The following DTNB variants were observed in gnomAD, a reference collection of about 807,000 sequenced individuals.
DTNB encodes the protein DTN-B.
A neutral mutation model predicts 90.7 loss-of-function variants in DTNB; 63 were observed. That is an observed-to-expected ratio of 0.69 (90% CI 0.57 to 0.86). The LOEUF (loss-of-function observed/expected upper bound fraction) is 0.86, where lower values mean the gene tolerates loss of function less well. Ranked by LOEUF, DTNB falls within the 40% of genes least tolerant of loss-of-function variation. DTNB has a pLI of 0.00. For synonymous variants in DTNB, 277 were observed against 286.7 expected, an observed-to-expected ratio of 0.97 and a Z score of 0.34; for missense variants, 744 against 807.1, an observed-to-expected ratio of 0.92 and a Z score of 0.95.
In DTNB at chr2:25,523,975, C is replaced by T. The variant is rs942159513; in HGVS notation, c.1001+7498G>A. ...GGAGTGCAATGGCGTGATCTTGGCT[C>T]ACCGCAACCTCCACCTCCCAGGTTC... is the stretch of plus-strand genomic sequence containing the variant. On this transcript the variant is annotated intron_variant, in intron 9 of 20. Coordinates refer to ENST00000406818, the MANE Select transcript of DTNB (RefSeq NM_021907.5). Among the ~76,000 whole-genome samples the T allele has an allele frequency of 2.0e-5, 3 of 149,528 alleles. No individual in the cohort carries two copies. The East Asian group carries it at 6.0e-4, about 30-fold the overall frequency.
intron 10 of DTNB, among the ~76,000 whole-genome samples, chr2:25,479,240 TA>T (rs937822233): frequency 1.3e-5 from 2 of 151,978 alleles, no homozygotes; most frequent in Admixed American, 6.6e-5. Context: ...CATTTAAAAA[TA>T]AAAAAAATTA....
At chr2:25,500,857 G>C (rs17802973) in intron 9 of DTNB, among the ~76,000 whole-genome samples, 3,804 of 152,336 alleles carry the variant, frequency 0.025, 56 homozygotes, top group Middle Eastern at 0.048. Flanking sequence ...CTCTAAGGAA[G>C]AAAATGAAGA....
chr2:25,626,659 C>T (rs557816716), intron 4 of DTNB, among the ~76,000 whole-genome samples: 5 of 152,130 alleles, frequency 3.3e-5, no homozygotes, highest in Non-Finnish European at 5.9e-5. Flanking sequence ...AATCTGATAA[C>T]GGCTTATAAA....
At chr2:25,633,531 C>T (rs896828695) in intron 3 of DTNB, among the ~76,000 whole-genome samples, 2 of 152,096 alleles carry the variant, frequency 1.3e-5, no homozygotes, top group African/African-American at 2.4e-5. Context: ...CACCTCCCAG[C>T]CGCCTGCCTT....
intron 12 of DTNB, among the ~76,000 whole-genome samples, chr2:25,436,344 G>GA (rs11374046): frequency 0.3 from 44,072 of 147,396 alleles, 7,579 homozygotes; most frequent in East Asian, 0.57. Flanking sequence ...GGGGAAAAAA[G>GA]AAAAAAAAAA....
chr2:25,461,592 T>C (rs1337406833), intron 10 of DTNB, among the ~76,000 whole-genome samples: 2 of 152,084 alleles, frequency 1.3e-5, no homozygotes, highest in Non-Finnish European at 2.9e-5. Flanking sequence ...ATTCAATCCA[T>C]AAAACGAGGT....
intron 10 of DTNB, among the ~76,000 whole-genome samples, chr2:25,467,569 G>A (rs1276114799): frequency 1.3e-5 from 2 of 152,070 alleles, no homozygotes; most frequent in Non-Finnish European, 2.9e-5. Flanking sequence ...CTCCCAAAGT[G>A]CTGGGATTAG....
At position 25,427,589 on chromosome 2, in the gene DTNB, C is replaced by T. The variant is rs929271656; in HGVS notation, c.1500G>A (p.Gln500=). The T allele has an allele frequency of 1.9e-6, 3 of 1,613,654 alleles. No homozygotes were observed. In the African/African-American group the frequency reaches 4.0e-5, roughly 22 times the overall value. Residue 500 remains glutamine, a synonymous_variant, in exon 15 of 21, where the codon CAG becomes CAA. Transcript: ENST00000406818. The part of the protein sequence containing the change: ...DELEQRMSAL[Q]ESRRELMVQL... ...GGACCATCAGCTCCCGCCTGCTCTC[C>T]TGCAGGGCCGACATCCTCTGCTCCA... is the stretch of plus-strand genomic sequence containing the variant.
At chr2:25,457,590 G>A (rs1288442926) in intron 10 of DTNB, among the ~76,000 whole-genome samples, 5 of 151,904 alleles carry the variant, frequency 3.3e-5, no homozygotes, top group Admixed American at 6.6e-5. Context: ...CATTTGTCCC[G>A]AGAATACTCA....
At position 25,424,295 on chromosome 2, in the gene DTNB, G is replaced by C. The variant is rs1479716055; in HGVS notation, c.1554+3240C>G. On this transcript the variant is annotated intron_variant, in intron 15 of 20. Coordinates refer to ENST00000406818, the MANE Select transcript of DTNB (RefSeq NM_021907.5). This position sits in a 1 kb window ranked among gnomAD's most constrained non-coding sequence, Gnocchi z 4.1. ...CAGGGGATCCTACAGGGGCAGCAGT[G>C]TCCTGCTTATTTTTCTGAAATTACT... Among the ~76,000 whole-genome samples, 1 of 152,178 alleles carries C rather than the reference G, an allele frequency of 6.6e-6. No homozygotes were observed. Among genetic ancestry groups the C allele is most frequent in the Non-Finnish European group, 1.5e-5 (1 of 68,042 alleles).
intron 8 of DTNB, among the ~76,000 whole-genome samples, chr2:25,576,242 T>C (rs6746648): frequency 0.052 from 7,566 of 145,664 alleles, 660 homozygotes; most frequent in African/African-American, 0.18. Context: ...TTTTTTTTTT[T>C]TGAGACAGAG....
rs752870230 is a variant in DTNB at position 25,387,119 on chromosome 2, G to A, written c.1825+170C>T. ...CGCCCCTACGCGATCCTGTGTGACA[G>A]AGGCTCTCTGGGTGGAGACATCCAG... is the stretch of plus-strand genomic sequence containing the variant. On this transcript the variant is annotated intron_variant, in intron 18 of 20. Transcript: ENST00000406818. This position sits in a 1 kb window ranked among gnomAD's most constrained non-coding sequence, Gnocchi z 4.5. The A allele has an allele frequency of 1.7e-6, 1 of 588,860 alleles. No homozygotes were observed. Among genetic ancestry groups the A allele is most frequent in the Non-Finnish European group, 3.0e-6 (1 of 333,570 alleles). The allele number at this position is 588,860 out of a possible 1,614,324, so 36.5% of individuals were successfully genotyped here. A position where few individuals can be genotyped will look rare whatever the true frequency, so the allele number is the denominator to read the frequency against.
chr2:25,468,942 T>C (rs186089642), intron 10 of DTNB, among the ~76,000 whole-genome samples: 1 of 152,066 alleles, frequency 6.6e-6, no homozygotes, highest in Non-Finnish European at 1.5e-5. Flanking sequence ...TGACACAGAG[T>C]GGCCAAATAG....
At chr2:25,412,328 A>C (rs958760598) in intron 16 of DTNB, among the ~76,000 whole-genome samples, 9 of 152,164 alleles carry the variant, frequency 5.9e-5, no homozygotes, top group African/African-American at 2.2e-4. Flanking sequence ...CATGATGGCA[A>C]GATCCCACGT....
intron 5 of DTNB, among the ~76,000 whole-genome samples, chr2:25,597,041 T>C (rs1158449333): frequency 1.6e-4 from 25 of 152,212 alleles, no homozygotes. Context: ...TTTCAATCTG[T>C]TGAACTTCCT....
intron 9 of DTNB, among the ~76,000 whole-genome samples, chr2:25,493,079 G>A (rs936736589): frequency 1.3e-5 from 2 of 152,120 alleles, no homozygotes; most frequent in African/African-American, 4.8e-5. Context: ...TAAGATCAGT[G>A]TCCTGCAATT....
chr2:25,656,863 GT>G (rs1397401181), intron 1 of DTNB, among the ~76,000 whole-genome samples: 2 of 152,194 alleles, frequency 1.3e-5, no homozygotes, highest in Non-Finnish European at 2.9e-5. Flanking sequence ...TGTAAGAGAA[GT>G]TTCTTAAATC....
At chr2:25,484,198 A>G (rs1445163367) in intron 9 of DTNB, among the ~76,000 whole-genome samples, 2 of 152,238 alleles carry the variant, frequency 1.3e-5, no homozygotes, top group African/African-American at 4.8e-5. Context: ...AAATTGTCTA[A>G]CAAAGCATTT....
chr2:25,489,776 A>AT (rs2066977228), intron 9 of DTNB, among the ~76,000 whole-genome samples: 1 of 152,124 alleles, frequency 6.6e-6, no homozygotes, highest in Admixed American at 6.5e-5. Context: ...ACACCAGTTA[A>AT]TTTGAATTGT....
Sources: allele counts gnomAD v4.1 joint callset (sites outside exome capture counted in the v4.1 genomes callset), GRCh38; gene constraint gnomAD v4.1.1; non-coding constraint Gnocchi (gnomAD v3.1); transcripts MANE v1.5; gene names NCBI Gene and HGNC (gene_info 2026-07-23, HGNC 2026-07-21).